The following HDAC1 variants were observed in gnomAD, a reference collection of about 807,000 sequenced individuals.
HDAC1 encodes the protein protein deacetylase HDAC1.
HDAC1 carries 18 observed loss-of-function variants against 65.5 expected under a neutral mutation model. That is an observed-to-expected ratio of 0.27 (90% CI 0.19 to 0.41). The LOEUF (loss-of-function observed/expected upper bound fraction) is 0.41. Ranked by LOEUF, HDAC1 falls within the 10% of genes least tolerant of loss-of-function variation. The pLI, the probability that HDAC1 is intolerant of heterozygous loss-of-function variation, is 1.00. For missense variants in HDAC1, 373 were observed against 625.2 expected (o/e 0.60, Z 4.30); for synonymous variants, 211 against 227.9 (o/e 0.93, Z 0.67).
intron 12 of HDAC1, 122 bp from the exon 13 acceptor site, chr1:32,332,579 G>A: frequency 1.3e-6 from 1 of 748,050 alleles, no homozygotes; most frequent in Non-Finnish European, 2.3e-6. Context: ...CCAGGGATGG[G>A]CTTTTCTCTC....
chr1:32,322,055 T>C (rs1317885940), intron 3 of HDAC1, among the ~76,000 whole-genome samples: 1 of 152,192 alleles, frequency 6.6e-6, no homozygotes, highest in East Asian at 1.9e-4. Context: ...CTGGTAACTC[T>C]TGTGGTTATT....
chr1:32,315,981 C>CAA (rs111919247), intron 2 of HDAC1, among the ~76,000 whole-genome samples: 3 of 130,138 alleles, frequency 2.3e-5, no homozygotes, highest in African/African-American at 8.8e-5. Flanking sequence ...AACAAACAAA[C>CAA]AAAAAAAAAC....
At chr1:32,320,163 T>C (rs761371299) in intron 3 of HDAC1, among the ~76,000 whole-genome samples, 5 of 150,556 alleles carry the variant, frequency 3.3e-5, no homozygotes, top group Non-Finnish European at 7.4e-5. Context: ...GAGCTTGCAG[T>C]GAGCCGAGAT....
At chr1:32,297,627 G>T (rs1347688379) in intron 1 of HDAC1, among the ~76,000 whole-genome samples, 2 of 152,020 alleles carry the variant, frequency 1.3e-5, no homozygotes, top group Non-Finnish European at 2.9e-5. Flanking sequence ...TTTTTTGCGG[G>T]GGGGACGGAG....
chr1:32,332,032 T>C (rs1165501880), intron 11 of HDAC1, 58 bp from the exon 12 acceptor site: 14 of 1,495,582 alleles, frequency 9.4e-6, no homozygotes, highest in Non-Finnish European at 1.8e-6. Context: ...TGGGCATAGA[T>C]GCTGAGCTAA....
intron 1 of HDAC1, among the ~76,000 whole-genome samples, chr1:32,297,983 G>C (rs1459985840): frequency 1.3e-5 from 2 of 151,518 alleles, no homozygotes; most frequent in Non-Finnish European, 2.9e-5. Context: ...TAGAGACGGG[G>C]TTTCACCGTG....
chr1:32,331,824 A>G lies in HDAC1; in HGVS notation c.1219+18A>G. On this transcript the variant is annotated intron_variant, in intron 11 of 13. Transcript: ENST00000373548. The surrounding 1 kb of genome is among the most constrained non-coding windows in gnomAD (Gnocchi z 4.2). ...CATCTCGAGTGAGACCCAGACCTAG[A>G]GCCCTATGCCTTCCATTCAATAGGC... is the stretch of plus-strand genomic sequence containing the variant. 15 of 1,585,868 alleles carry G rather than the reference A, an allele frequency of 9.5e-6. No homozygotes were observed. The highest frequency in any genetic ancestry group is 1.3e-5 in the Non-Finnish European group (15 of 1,164,690).
chr1:32,308,134 A>G (rs900187145), intron 2 of HDAC1, among the ~76,000 whole-genome samples: 1 of 152,216 alleles, frequency 6.6e-6, no homozygotes, highest in African/African-American at 2.4e-5. Flanking sequence ...AGCCTGACCA[A>G]CATGGAGAAA....
At position 32,330,884 on chromosome 1, in the gene HDAC1, G is replaced by A. The variant is rs1380269361; in HGVS notation, c.955G>A (p.Ala319Thr). Residue 319 changes from alanine to threonine, a missense_variant, in exon 9 of 14, where the codon GCC (alanine) becomes ACC (threonine). Transcript: ENST00000373548. The surrounding 1 kb of genome is among the most constrained non-coding windows in gnomAD (Gnocchi z 4.2). ...ARCWTYETAV[A>T]LDTEIPNELP... is the part of the protein sequence containing the mutation. ...GTGCTGGACATATGAGACAGCTGTGGCCCTGGATACGGAGATCCCTAATGG... is the reference window on the plus strand; with the variant it reads ...GTGCTGGACATATGAGACAGCTGTGACCCTGGATACGGAGATCCCTAATGG... The A allele has an allele frequency of 1.2e-6, 2 of 1,614,140 alleles. No individual in the cohort carries two copies. Among genetic ancestry groups the A allele is most frequent in the Admixed American group, 1.7e-5 (1 of 60,018 alleles).
chr1:32,330,506 C>A lies in HDAC1; in HGVS notation c.730-72C>A. 1 of 1,009,864 alleles carries A rather than the reference C, an allele frequency of 9.9e-7. No individual in the cohort carries two copies. Among genetic ancestry groups the A allele is most frequent in the Non-Finnish European group, 1.6e-6 (1 of 633,156 alleles). The allele number at this position is 1,009,864 out of a possible 1,614,324, so 62.6% of individuals were successfully genotyped here. A position where few individuals can be genotyped will look rare whatever the true frequency, so the allele number is the denominator to read the frequency against. On this transcript the variant is annotated intron_variant, in intron 7 of 13. Transcript: ENST00000373548. The surrounding 1 kb of genome is among the most constrained non-coding windows in gnomAD (Gnocchi z 4.2). Reference sequence around the variant, plus strand: ...GGTAGGAGTGGGTGGGAAAGTGTTGCACCCAGCCTTTCCACTCCAAACCTC... The same window carrying A: ...GGTAGGAGTGGGTGGGAAAGTGTTGAACCCAGCCTTTCCACTCCAAACCTC...
intron 1 of HDAC1, 108 bp from the exon 2 acceptor site, chr1:32,302,513 A>C (rs756005884): frequency 3.3e-5 from 21 of 631,506 alleles, no homozygotes; most frequent in Non-Finnish European, 6.1e-5. Flanking sequence ...TGGAAACTAG[A>C]AATGAGCCAG....
At chr1:32,325,172 G>C (rs1033774196) in intron 4 of HDAC1, among the ~76,000 whole-genome samples, 3 of 152,268 alleles carry the variant, frequency 2.0e-5, no homozygotes, top group African/African-American at 7.2e-5. Flanking sequence ...TATAAAAATG[G>C]AAGTGTCATC....
rs564171429 is a variant in HDAC1 at position 32,329,704 on chromosome 1, G to A, written c.729+544G>A. 67 of 157,754 alleles carry A rather than the reference G, an allele frequency of 4.2e-4. No individual in the cohort carries two copies. The highest frequency in any genetic ancestry group is 6.6e-4 in the Non-Finnish European group (47 of 71,154). 9.8% of individuals were successfully genotyped at this position (157,754 alleles called of 1,614,324 possible). On this transcript the variant is annotated intron_variant, in intron 7 of 13. Coordinates refer to ENST00000373548, the MANE Select transcript of HDAC1 (RefSeq NM_004964.3). The surrounding 1 kb of genome is among the most constrained non-coding windows in gnomAD (Gnocchi z 4.1). ...ATGGGTAGGCTGGCCTAGTGCCTGT[G>A]TTTTTGAGGGATGATCAGAGGAATG...
chr1:32,328,371 G>A (rs1557611990), intron 6 of HDAC1, among the ~76,000 whole-genome samples: 1 of 152,030 alleles, frequency 6.6e-6, no homozygotes, highest in South Asian at 2.1e-4. Flanking sequence ...GAGTGCAGTG[G>A]CGTGATCTCG....
chr1:32,332,892 TCTAGGCAGAG>T (rs559283871), intron 13 of HDAC1, 115 bp from the exon 14 acceptor site: 3 of 1,182,280 alleles, frequency 2.5e-6, no homozygotes, highest in Non-Finnish European at 3.7e-6. Flanking sequence ...GCTCTGCAGT[TCTAGGCAGAG>T]CTAGGAGCCC....
intron 2 of HDAC1, among the ~76,000 whole-genome samples, chr1:32,315,916 G>C (rs552456067): frequency 4.0e-5 from 6 of 151,226 alleles, no homozygotes; most frequent in African/African-American, 1.5e-4. Flanking sequence ...AGTGAGTCGA[G>C]ATCATGCCAT....
At position 32,304,875 on chromosome 1, in the gene HDAC1, A is replaced by T. The variant is rs1640891807; in HGVS notation, c.162+2142A>T. ...CACCATACCCAGCCTCTCTTGGCTAATTCAGAAAAATTTTTTTGTAGAAAC... is the reference window on the plus strand; with the variant it reads ...CACCATACCCAGCCTCTCTTGGCTATTTCAGAAAAATTTTTTTGTAGAAAC... On this transcript the variant is annotated intron_variant, in intron 2 of 13. Transcript: ENST00000373548. Among the ~76,000 whole-genome samples the T allele has an allele frequency of 2.0e-5, 3 of 152,098 alleles. No individual in the cohort carries two copies. The South Asian group carries it at 6.2e-4, about 32-fold the overall frequency.
Position 32,330,254 on chromosome 1 carries a change from C to T in HDAC1, c.730-324C>T. On this transcript the variant is annotated intron_variant, in intron 7 of 13. Transcript: ENST00000373548. This position sits in a 1 kb window ranked among gnomAD's most constrained non-coding sequence, Gnocchi z 4.2. ...TAAGACCGAATGAGTAGAGTAGATG[C>T]AGCTAAAGGTCAGGAAGGCTTCCTG... The T allele has an allele frequency of 3.1e-6, 1 of 324,694 alleles. No individual in the cohort carries two copies. 20.1% of individuals were successfully genotyped at this position (324,694 alleles called of 1,614,324 possible).
rs534347713 is a variant in HDAC1, at chr1:32,298,641, C to G, written c.50-3980C>G. ...AAGTCACCTTACATTTCAGATTTCT[C>G]TCCTATAAAATCAAAATGATAGGAG... On this transcript the variant is annotated intron_variant, in intron 1 of 13. Transcript: ENST00000373548. Among the ~76,000 whole-genome samples the G allele has an allele frequency of 2.2e-4, 34 of 152,334 alleles. No homozygotes were observed. In the South Asian group the frequency reaches 5.8e-3, roughly 26 times the overall value.
Sources: allele counts gnomAD v4.1 joint callset (sites outside exome capture counted in the v4.1 genomes callset), GRCh38; gene constraint gnomAD v4.1.1; non-coding constraint Gnocchi (gnomAD v3.1); transcripts MANE v1.5; gene names NCBI Gene and HGNC (gene_info 2026-07-23, HGNC 2026-07-21).